The following UVRAG variants were observed in gnomAD, a reference collection of about 807,000 sequenced individuals.
UVRAG encodes the protein UV radiation resistance associated.
UVRAG carries 19 observed loss-of-function variants against 78.0 expected under a neutral mutation model. The observed-to-expected ratio is 0.24, with a 90% CI of 0.17 to 0.36. The LOEUF is 0.36. Ranked by LOEUF, UVRAG falls within the 10% of genes least tolerant of loss-of-function variation. The probability of loss-of-function intolerance (pLI) is 1.00; values close to 1 mark genes in which losing one functional copy is unlikely to be tolerated. For missense variants in UVRAG, 740 were observed against 853.8 expected, an observed-to-expected ratio of 0.87 and a Z score of 1.66; for synonymous variants, 323 against 324.6, an observed-to-expected ratio of 1.00 and a Z score of 0.05.
chr11:75,900,415 C>A (rs1256211943), intron 5 of UVRAG, among the ~76,000 whole-genome samples: 1 of 152,190 alleles, frequency 6.6e-6, no homozygotes, highest in Non-Finnish European at 1.5e-5. Flanking sequence ...AGTTAACATG[C>A]TGTCACTGTT....
chr11:76,002,286 T>A (rs1949829819), intron 8 of UVRAG, among the ~76,000 whole-genome samples: 1 of 152,200 alleles, frequency 6.6e-6, no homozygotes, highest in Admixed American at 6.5e-5. Flanking sequence ...ATGGAACCAA[T>A]AAGCTGTATT....
At chr11:76,107,167 C>T (rs1951986384) in intron 13 of UVRAG, among the ~76,000 whole-genome samples, 1 of 152,148 alleles carries the variant, frequency 6.6e-6, no homozygotes, top group African/African-American at 2.4e-5. Flanking sequence ...AAGCAAAGGA[C>T]CATCTTAATT....
intron 1 of UVRAG, among the ~76,000 whole-genome samples, chr11:75,834,333 G>T (rs774669922): frequency 6.6e-6 from 1 of 151,886 alleles, no homozygotes; most frequent in Non-Finnish European, 1.5e-5. Flanking sequence ...CACATTTTCA[G>T]TTGGAATATT....
At chr11:76,059,946 A>G (rs1184362348) in intron 12 of UVRAG, among the ~76,000 whole-genome samples, 2 of 152,232 alleles carry the variant, frequency 1.3e-5, no homozygotes, top group East Asian at 1.9e-4. Flanking sequence ...TGAATTAACT[A>G]TAGCCATGTC....
intron 12 of UVRAG, among the ~76,000 whole-genome samples, chr11:76,023,391 C>G (rs567447823): frequency 1.3e-5 from 2 of 152,248 alleles, no homozygotes; most frequent in South Asian, 4.1e-4. Context: ...GAAACTCTCT[C>G]CAGCTTTTCT....
chr11:75,990,783 A>C (rs1295693852), intron 8 of UVRAG, among the ~76,000 whole-genome samples: 2 of 152,146 alleles, frequency 1.3e-5, no homozygotes, highest in African/African-American at 4.8e-5. Context: ...TAGCACTTTG[A>C]TTATTAGTCT....
At position 75,909,972 on chromosome 11, in the gene UVRAG, T is replaced by G. The variant is rs550117485; in HGVS notation, c.508-1982T>G. On this transcript the variant is annotated intron_variant, in intron 5 of 14. Coordinates refer to ENST00000356136, the MANE Select transcript of UVRAG (RefSeq NM_003369.4). ...GGAGTTTGTGTAAAGTGGATATTCT[T>G]TCTTTCTTAAATGTTTGATGAAATT... Among the ~76,000 whole-genome samples the G allele has an allele frequency of 4.6e-5, 7 of 152,314 alleles. No homozygotes were observed. The East Asian group carries it at 1.3e-3, about 29-fold the overall frequency.
At chr11:75,889,294 A>G (rs1223507368) in intron 5 of UVRAG, among the ~76,000 whole-genome samples, 1 of 152,246 alleles carries the variant, frequency 6.6e-6, no homozygotes, top group African/African-American at 2.4e-5. Flanking sequence ...TTTTATAGTC[A>G]GCATTATCTC....
intron 6 of UVRAG, among the ~76,000 whole-genome samples, chr11:75,934,480 A>C (rs1948321999): frequency 1.3e-5 from 2 of 152,186 alleles, no homozygotes. Context: ...ATTTAATTCT[A>C]CATTTAAAAA....
Position 76,093,895 on chromosome 11 carries a change from A to G in UVRAG, c.1306-22029A>G, listed in dbSNP as rs183775005. Among the ~76,000 whole-genome samples the G allele has an allele frequency of 6.9e-3, 1,048 of 152,210 alleles. 17 individuals are homozygous for G. Among genetic ancestry groups the G allele is most frequent in the African/African-American group, 0.024 (1,002 of 41,524 alleles). On this transcript the variant is annotated intron_variant, in intron 13 of 14. Coordinates refer to ENST00000356136, the MANE Select transcript of UVRAG (RefSeq NM_003369.4). The stretch of plus-strand genomic sequence containing the variant: ...CCCTGGCCAGAACTTCTAACACTAT[A>G]TTGAATAGGAGTGGTGAGAGAGGGC...
intron 3 of UVRAG, among the ~76,000 whole-genome samples, chr11:75,873,603 T>C (rs1726473548): frequency 6.6e-6 from 1 of 152,214 alleles, no homozygotes; most frequent in Non-Finnish European, 1.5e-5. Context: ...CTCAGCTTCC[T>C]CATTTCAGAA....
intron 10 of UVRAG, among the ~76,000 whole-genome samples, 191 bp downstream of exon 10, chr11:76,007,812 A>G (rs1949976192): frequency 6.6e-6 from 1 of 152,138 alleles, no homozygotes; most frequent in African/African-American, 2.4e-5. Context: ...TTTCATTTAT[A>G]TCACTTTGGT....
intron 12 of UVRAG, among the ~76,000 whole-genome samples, chr11:76,053,983 A>AG (rs1481165271): frequency 6.6e-6 from 1 of 151,300 alleles, no homozygotes; most frequent in African/African-American, 2.4e-5. Flanking sequence ...AAAAAAAAAA[A>AG]AAAGTTATTA....
intron 13 of UVRAG, among the ~76,000 whole-genome samples, chr11:76,077,382 T>C (rs559148257): frequency 1.3e-5 from 2 of 152,082 alleles, no homozygotes; most frequent in South Asian, 4.1e-4. Flanking sequence ...GTGCTAGACA[T>C]TTTTAATGTC....
intron 1 of UVRAG, 117 bp from the exon 2 acceptor site, chr11:75,851,766 C>A (rs773731633): frequency 1.5e-5 from 12 of 782,244 alleles, no homozygotes; most frequent in Non-Finnish European, 2.1e-5. Flanking sequence ...TGGTTTCTGG[C>A]TCAATAAATA....
intron 13 of UVRAG, among the ~76,000 whole-genome samples, chr11:76,086,391 A>G (rs1340592265): frequency 6.6e-6 from 1 of 152,248 alleles, no homozygotes; most frequent in East Asian, 1.9e-4. Flanking sequence ...GAAACCAATC[A>G]GAACTATTCT....
At chr11:75,974,763 G>C (rs1187921943) in intron 7 of UVRAG, among the ~76,000 whole-genome samples, 1 of 152,174 alleles carries the variant, frequency 6.6e-6, no homozygotes. Context: ...GATCTTTGTA[G>C]ATTCTGGATA....
At chr11:76,078,603 A>G (rs1951441209) in intron 13 of UVRAG, among the ~76,000 whole-genome samples, 1 of 151,884 alleles carries the variant, frequency 6.6e-6, no homozygotes, top group Non-Finnish European at 1.5e-5. Flanking sequence ...AACACCAACA[A>G]TTAGAAATTT....
intron 2 of UVRAG, among the ~76,000 whole-genome samples, chr11:75,853,259 T>A (rs1946199764): frequency 9.9e-6 from 1 of 100,698 alleles, no homozygotes; most frequent in Non-Finnish European, 1.8e-5. Context: ...GTTTAACAAC[T>A]TTTTTTAATG....
Sources: gnomAD v4.1 joint callset for allele counts (sites outside exome capture counted in the v4.1 genomes callset) on GRCh38, gnomAD v4.1.1 for gene constraint, MANE v1.5 for transcripts, NCBI Gene and HGNC (gene_info 2026-07-23, HGNC 2026-07-21) for gene names.